The following PDE10A variants were observed in gnomAD, a reference collection of about 807,000 sequenced individuals.
PDE10A encodes the protein phosphodiesterase 10A.
PDE10A carries 39 observed loss-of-function variants against 97.7 expected under a neutral mutation model. The observed-to-expected ratio is 0.40, with a 90% CI of 0.31 to 0.52. The LOEUF (loss-of-function observed/expected upper bound fraction) is 0.52, where lower values mean the gene tolerates loss of function less well. Ranked by LOEUF, PDE10A falls within the 20% of genes least tolerant of loss-of-function variation. The pLI, the probability that PDE10A is intolerant of heterozygous loss-of-function variation, is 0.56. For synonymous variants in PDE10A, 371 were observed against 376.8 expected, an observed-to-expected ratio of 0.98 and a Z score of 0.18; for missense variants, 731 against 1,047.8, an observed-to-expected ratio of 0.70 and a Z score of 4.17.
At chr6:165,759,463 G>A (rs369326434) in intron 1 of PDE10A, among the ~76,000 whole-genome samples, 6 of 152,236 alleles carry the variant, frequency 3.9e-5, no homozygotes, top group African/African-American at 1.4e-4. Context: ...AGGGTGGGCC[G>A]CCTGATTTGC....
chr6:165,947,438 G>A (rs1783808977), intron 1 of PDE10A, among the ~76,000 whole-genome samples: 1 of 152,074 alleles, frequency 6.6e-6, no homozygotes. Context: ...CATATCTAAT[G>A]TTGATTTTTC....
chr6:165,728,507 C>T (rs1223958187), intron 1 of PDE10A, among the ~76,000 whole-genome samples: 2 of 152,170 alleles, frequency 1.3e-5, no homozygotes, highest in East Asian at 3.9e-4. Flanking sequence ...AATCTGTTTG[C>T]AATTCCAACT....
chr6:165,943,142 G>GGA (rs143901978), intron 1 of PDE10A, among the ~76,000 whole-genome samples: 17,221 of 90,164 alleles, frequency 0.19, 3,258 homozygotes, highest in East Asian at 0.3. Flanking sequence ...AGGCAAGAGA[G>GGA]GAGAGAGAGA....
intron 13 of PDE10A, among the ~76,000 whole-genome samples, chr6:165,398,740 A>C (rs1438929837): frequency 6.6e-6 from 1 of 152,162 alleles, no homozygotes; most frequent in Non-Finnish European, 1.5e-5. Context: ...TAACAAAATC[A>C]TTAAAATTCA....
chr6:165,843,820 T>A (rs530583168), intron 1 of PDE10A, among the ~76,000 whole-genome samples: 2 of 152,324 alleles, frequency 1.3e-5, no homozygotes, highest in South Asian at 4.1e-4. Context: ...GGCAGGGCAG[T>A]CACTGAAGGT....
intron 2 of PDE10A, among the ~76,000 whole-genome samples, chr6:165,527,925 C>T (rs926314875): frequency 6.6e-6 from 1 of 152,206 alleles, no homozygotes; most frequent in Admixed American, 6.5e-5. Context: ...GCAGGCACCA[C>T]CCAAAAGTGG....
chr6:165,582,232 A>G (rs567092868), intron 1 of PDE10A, among the ~76,000 whole-genome samples: 2 of 152,322 alleles, frequency 1.3e-5, no homozygotes, highest in East Asian at 1.9e-4. Context: ...GATATTCACC[A>G]TAACAGCATA....
intron 1 of PDE10A, among the ~76,000 whole-genome samples, chr6:165,970,979 C>G (rs962424944): frequency 6.6e-6 from 1 of 152,164 alleles, no homozygotes; most frequent in Non-Finnish European, 1.5e-5. Context: ...AAAGCCCCGT[C>G]TCTACTAAAA....
At chr6:165,691,192 TCTCTCTCTCC>T (rs1323530242) in intron 1 of PDE10A, among the ~76,000 whole-genome samples, 1,409 of 48,682 alleles carry the variant, frequency 0.029, 22 homozygotes, top group South Asian at 0.076. Context: ...TCTCTCCCTC[TCTCTCTCTCC>T]CCACACACAC....
chr6:165,699,149 GAT>G (rs1358869019), intron 1 of PDE10A, among the ~76,000 whole-genome samples: 4 of 152,090 alleles, frequency 2.6e-5, no homozygotes, highest in African/African-American at 9.7e-5. Context: ...GGATGAAAAA[GAT>G]ATATCATAGT....
intron 15 of PDE10A, among the ~76,000 whole-genome samples, chr6:165,394,695 G>C (rs530260757): frequency 6.6e-6 from 1 of 152,298 alleles, no homozygotes; most frequent in East Asian, 1.9e-4. Flanking sequence ...CAGTGTAAAA[G>C]CATTCCTATT....
chr6:165,449,076 T>C, intron 4 of PDE10A, 99 bp from the exon 5 acceptor site: 1 of 827,550 alleles, frequency 1.2e-6, no homozygotes, highest in Admixed American at 1.9e-5. Flanking sequence ...TCTTTCAAAT[T>C]GATTTGTTAA....
intron 3 of PDE10A, among the ~76,000 whole-genome samples, chr6:165,455,077 G>A (rs77658229): frequency 0.1 from 15,389 of 152,092 alleles, 946 homozygotes; most frequent in Middle Eastern, 0.2. Context: ...TGAATATCAC[G>A]GGGGCAGGCA....
At chr6:165,622,638 G>T (rs1418423285) in intron 1 of PDE10A, among the ~76,000 whole-genome samples, 1 of 152,188 alleles carries the variant, frequency 6.6e-6, no homozygotes. Context: ...TATATAGTGG[G>T]TGATTGTGTA....
intron 1 of PDE10A, among the ~76,000 whole-genome samples, chr6:165,794,415 CCTA>C (rs1271989631): frequency 6.6e-6 from 1 of 151,694 alleles, no homozygotes; most frequent in Non-Finnish European, 1.5e-5. Context: ...ATCACACACT[CCTA>C]CACTCACTCA....
At chr6:165,719,061 T>G (rs898481971) in intron 1 of PDE10A, among the ~76,000 whole-genome samples, 1 of 151,956 alleles carries the variant, frequency 6.6e-6, no homozygotes, top group Non-Finnish European at 1.5e-5. Context: ...TAAAAACCAA[T>G]AGTTGGAAGT....
chr6:165,796,190 A>T (rs9356390), intron 1 of PDE10A, among the ~76,000 whole-genome samples: 1 of 146,030 alleles, frequency 6.8e-6, no homozygotes, highest in Non-Finnish European at 1.5e-5. Context: ...CCGCCTCCCG[A>T]GTTCACGCCA....
At chr6:165,440,075 G>A (rs1583288931) in intron 5 of PDE10A, among the ~76,000 whole-genome samples, 4 of 152,016 alleles carry the variant, frequency 2.6e-5, no homozygotes, top group Non-Finnish European at 2.9e-5. Context: ...AAGTATTTAG[G>A]TTTACCAATA....
At chr6:165,787,602 G>C (rs185920824) in intron 1 of PDE10A, among the ~76,000 whole-genome samples, 1 of 152,334 alleles carries the variant, frequency 6.6e-6, no homozygotes, top group East Asian at 1.9e-4. Context: ...GAGTTTTACA[G>C]AATGCTACTT....
Sources: gnomAD v4.1 joint callset for allele counts (sites outside exome capture counted in the v4.1 genomes callset) on GRCh38, gnomAD v4.1.1 for gene constraint, MANE v1.5 for transcripts, NCBI Gene and HGNC (gene_info 2026-07-23, HGNC 2026-07-21) for gene names.